The following NXPE3 variants were observed in gnomAD, a reference collection of about 807,000 sequenced individuals.
NXPE3 encodes the protein neurexophilin and PC-esterase domain family member 3, also known as NXPE family member 3.
Under a neutral mutation model 46.1 loss-of-function variants are expected in NXPE3, and 26 were observed. The ratio of observed to expected loss-of-function variants is 0.56; its 90% CI spans 0.41 to 0.78. NXPE3 has a LOEUF of 0.78. Among genes scored for constraint, NXPE3 ranks in the 30% least tolerant of loss-of-function variants. The pLI, the probability that NXPE3 is intolerant of heterozygous loss-of-function variation, is 0.00. For synonymous variants in NXPE3, 272 were observed against 257.9 expected (o/e 1.05, Z -0.52); for missense variants, 620 against 686.0 (o/e 0.90, Z 1.07).
intron 7 of NXPE3, among the ~76,000 whole-genome samples, chr3:101,818,046 G>A (rs1942045691): frequency 6.6e-6 from 1 of 151,906 alleles, no homozygotes; most frequent in African/African-American, 2.4e-5. Flanking sequence ...GTGAGCCACT[G>A]CACTCAGCTA....
At chr3:101,804,193 G>A (rs1040778708) in intron 5 of NXPE3, among the ~76,000 whole-genome samples, 1 of 152,168 alleles carries the variant, frequency 6.6e-6, no homozygotes, top group African/African-American at 2.4e-5. Context: ...CTAGCAAAGA[G>A]GAAGAAACAT....
chr3:101,789,126 C>T (rs1940357376), intron 4 of NXPE3, among the ~76,000 whole-genome samples: 1 of 152,040 alleles, frequency 6.6e-6, no homozygotes, highest in South Asian at 2.1e-4. Context: ...CCATTCTGAT[C>T]TTTATTATTT....
At position 101,801,781 on chromosome 3, in the gene NXPE3, T is replaced by C. The variant is rs767395513; in HGVS notation, c.640T>C (p.Phe214Leu). 9.3e-6 allele frequency: 15 copies of C among 1,614,242 alleles called. No homozygotes were observed. In the South Asian group the frequency reaches 1.6e-4, roughly 18 times the overall value. The change falls in exon 5 of 8, where the codon TTC becomes CTC. Residue 214 changes from phenylalanine (F) to leucine (L), a missense_variant. Coordinates refer to ENST00000273347, the MANE Select transcript of NXPE3 (RefSeq NM_145037.4). ...KPDRVYFKSL[F>L]RSGRISETTE... ...AGACAGGGTCTATTTCAAGAGTCTCTTCCGTTCAGGAAGAATTTCTGAAAC... is the reference window on the plus strand; with the variant it reads ...AGACAGGGTCTATTTCAAGAGTCTCCTCCGTTCAGGAAGAATTTCTGAAAC...
intron 4 of NXPE3, among the ~76,000 whole-genome samples, chr3:101,790,482 T>C (rs997523798): frequency 6.6e-6 from 1 of 152,346 alleles, no homozygotes; most frequent in East Asian, 1.9e-4. Flanking sequence ...GTTGGCCTTC[T>C]TCATGCTTGG....
At chr3:101,808,038 G>C (rs906039497) in intron 6 of NXPE3, among the ~76,000 whole-genome samples, 1 of 152,214 alleles carries the variant, frequency 6.6e-6, no homozygotes, top group Non-Finnish European at 1.5e-5. Context: ...CTGTGGATCA[G>C]TGGCATCAGC....
At chr3:101,810,442 C>A (rs995261883) in intron 6 of NXPE3, among the ~76,000 whole-genome samples, 5 of 152,210 alleles carry the variant, frequency 3.3e-5, no homozygotes, top group African/African-American at 1.2e-4. Context: ...TATGCTCTTA[C>A]ATAATCTCCT....
At chr3:101,806,019 A>G (rs1186714023) in intron 5 of NXPE3, among the ~76,000 whole-genome samples, 8 of 152,132 alleles carry the variant, frequency 5.3e-5, no homozygotes, top group Non-Finnish European at 1.2e-4. Context: ...AAATTTGATT[A>G]TGCTGTAATG....
In NXPE3 at chr3:101,816,831, C is replaced by G; in HGVS notation, c.959C>G (p.Thr320Ser). The G allele has an allele frequency of 6.2e-7, 1 of 1,614,080 alleles. No individual in the cohort carries two copies. The highest frequency in any genetic ancestry group is 1.3e-5 in the African/African-American group (1 of 75,032). The change falls in exon 7 of 8, where the codon ACT (threonine) becomes AGT (serine). Residue 320 changes from threonine to serine, a missense_variant. Thr to Ser is a moderately conservative substitution (Grantham distance 58, BLOSUM62 1). Around this residue, in one of 3 missense-constraint regions of NXPE3, gnomAD observed 511 missense variants for 528.6 expected, o/e 0.97. Transcript: ENST00000273347. ...NSLELSQGSG[T>S]FPSGYYYKDQ... is the part of the protein sequence containing the mutation. Reference sequence around the variant, plus strand: ...CTAGAACTATCTCAAGGCTCAGGAACTTTTCCTTCTGGGTATTATTATAAA... The same window carrying G: ...CTAGAACTATCTCAAGGCTCAGGAAGTTTTCCTTCTGGGTATTATTATAAA...
Position 101,826,039 on chromosome 3 carries a change from T to A in NXPE3, c.*4085T>A, listed in dbSNP as rs1310706578. 1.3e-5 allele frequency: 2 copies of A among 152,202 alleles called. No individual in the cohort carries two copies. Among genetic ancestry groups the A allele is most frequent in the Admixed American group, 1.3e-4 (2 of 15,268 alleles). 9.4% of individuals were successfully genotyped at this position (152,202 alleles called of 1,614,324 possible). On this transcript the variant is annotated 3_prime_UTR_variant, in exon 8 of 8. Transcript: ENST00000273347. Reference sequence around the variant, plus strand: ...CATTCTGAACAACTATCATTTTAATTAAGACCATTTAACTGACACTTCCTG... The same window carrying A: ...CATTCTGAACAACTATCATTTTAATAAAGACCATTTAACTGACACTTCCTG...
chr3:101,812,464 C>T (rs533903097), intron 6 of NXPE3, among the ~76,000 whole-genome samples: 8 of 152,074 alleles, frequency 5.3e-5, no homozygotes, highest in East Asian at 1.9e-4. Flanking sequence ...CCTGCCTCTA[C>T]GCTTATTGAG....
intron 7 of NXPE3, among the ~76,000 whole-genome samples, chr3:101,820,876 G>A (rs1420549275): frequency 6.6e-6 from 1 of 152,314 alleles, no homozygotes; most frequent in South Asian, 2.1e-4. Context: ...CTACTTGAGT[G>A]GGGGAGTTGG....
chr3:101,822,022 T>G lies in NXPE3; in HGVS notation c.*68T>G. On this transcript the variant is annotated 3_prime_UTR_variant, in exon 8 of 8. Transcript: ENST00000273347. ...CTCAATTGACCTGAGTTACAGAAAG[T>G]GGCCCCAGTGAGAGATGACTGCCCT... The G allele has an allele frequency of 6.9e-7, 1 of 1,451,544 alleles. No homozygotes were observed. Among genetic ancestry groups the G allele is most frequent in the Non-Finnish European group, 9.5e-7 (1 of 1,058,192 alleles). The allele number at this position is 1,451,544 out of a possible 1,614,324, so 89.9% of individuals were successfully genotyped here.
chr3:101,799,189 T>G (rs947498141), intron 4 of NXPE3, among the ~76,000 whole-genome samples: 1 of 151,896 alleles, frequency 6.6e-6, no homozygotes, highest in East Asian at 1.9e-4. Flanking sequence ...GTTCTTCTGC[T>G]TCAGCCTCCC....
At chr3:101,781,281 A>T (rs1304797476) in intron 1 of NXPE3, among the ~76,000 whole-genome samples, 1 of 152,206 alleles carries the variant, frequency 6.6e-6, no homozygotes, top group East Asian at 1.9e-4. Flanking sequence ...TTGTCCTATA[A>T]TATATTATCT....
In NXPE3 at chr3:101,804,748, T is replaced by A. The variant is rs189067702; in HGVS notation, c.849-2305T>A. On this transcript the variant is annotated intron_variant, in intron 5 of 7. Coordinates refer to ENST00000273347, the MANE Select transcript of NXPE3 (RefSeq NM_145037.4). ...TAGCCTTGGTATTTGGTTCCCTAAA[T>A]GACAGTTGAACAATTAAAATATGTC... Among the ~76,000 whole-genome samples, 10 of 152,318 alleles carry A rather than the reference T, an allele frequency of 6.6e-5. No individual in the cohort carries two copies. In the East Asian group the frequency reaches 1.9e-3, roughly 29 times the overall value.
At chr3:101,799,324 A>G (rs1941012134) in intron 4 of NXPE3, among the ~76,000 whole-genome samples, 1 of 152,214 alleles carries the variant, frequency 6.6e-6, no homozygotes, top group Admixed American at 6.5e-5. Context: ...TCTATATATA[A>G]CATTAAATAA....
rs768693650 is a variant in NXPE3 at position 101,801,993 on chromosome 3, T to C, written c.848+4T>C. 5 of 1,583,544 alleles carry C rather than the reference T, an allele frequency of 3.2e-6. No individual in the cohort carries two copies. The Admixed American group carries it at 7.4e-5, about 23-fold the overall frequency. On this transcript the variant is annotated splice_donor_region_variant and intron_variant, in intron 5 of 7. Transcript: ENST00000273347. ...CAGAGAGTGCTTTCTTCCAGAGGTA[T>C]GTACTGCTTTTTCTTGGGGATGATT...
At chr3:101,818,160 T>A (rs1175156099) in intron 7 of NXPE3, among the ~76,000 whole-genome samples, 1 of 152,248 alleles carries the variant, frequency 6.6e-6, no homozygotes, top group African/African-American at 2.4e-5. Flanking sequence ...CCCAAAGTGC[T>A]GATGGCTCAC....
At chr3:101,787,150 CA>C (rs111642277) in intron 4 of NXPE3, among the ~76,000 whole-genome samples, 9 of 146,298 alleles carry the variant, frequency 6.2e-5, no homozygotes, top group Non-Finnish European at 7.5e-5. Context: ...GAGACTGTCT[CA>C]AAAAAAAAAA....
Sources: allele counts gnomAD v4.1 joint callset (sites outside exome capture counted in the v4.1 genomes callset), GRCh38; gene constraint gnomAD v4.1.1; regional missense constraint gnomAD v4.1.1; transcripts MANE v1.5; gene names NCBI Gene and HGNC (gene_info 2026-07-23, HGNC 2026-07-21).